The following USP6 variants were observed in gnomAD, a reference collection of about 807,000 sequenced individuals.
USP6 encodes the protein ubiquitin carboxyl-terminal hydrolase 6.
In USP6, 128 loss-of-function variants were observed where a neutral mutation model predicts 175.7. The ratio of observed to expected loss-of-function variants is 0.73; its 90% CI spans 0.63 to 0.84. The LOEUF (loss-of-function observed/expected upper bound fraction) is 0.84, where lower values mean the gene tolerates loss of function less well. Ranked by LOEUF, USP6 falls within the 40% of genes least tolerant of loss-of-function variation. The pLI is 0.00. For missense variants in USP6, 1,498 were observed against 1,760.3 expected (o/e 0.85, Z 2.67); for synonymous variants, 562 against 630.6 (o/e 0.89, Z 1.63).
At chr17:5,162,784 A>AG (rs2074028834) in intron 32 of USP6, 100 bp from the exon 33 acceptor site, 2 of 1,510,258 alleles carry the variant, frequency 1.3e-6, no homozygotes, top group South Asian at 2.7e-5. Flanking sequence ...GAGGCCCAAG[A>AG]GGAAAGCAGA....
chr17:5,122,133 A>T (rs1197135924), intron 4 of USP6, among the ~76,000 whole-genome samples: 4 of 94,384 alleles, frequency 4.2e-5, no homozygotes, highest in Admixed American at 3.9e-4. Context: ...TGCGGGGTGG[A>T]GGGTGGGTCG....
At chr17:5,143,295 G>C (rs1408981838) in intron 25 of USP6, among the ~76,000 whole-genome samples, 1 of 152,222 alleles carries the variant, frequency 6.6e-6, no homozygotes, top group African/African-American at 2.4e-5. Flanking sequence ...CGACAATGGC[G>C]GTTTTGTGGA....
rs192313849 is a variant in USP6, at chr17:5,130,090, G to T, written c.-2+1G>T. 296 of 455,330 alleles carry T rather than the reference G, an allele frequency of 6.5e-4. 3 individuals are homozygous for T. In the East Asian group the frequency reaches 9.0e-3, roughly 14 times the overall value. The allele number at this position is 455,330 out of a possible 1,614,324, so 28.2% of individuals were successfully genotyped here. A position where few individuals can be genotyped will look rare whatever the true frequency, so the allele number is the denominator to read the frequency against. On this transcript the variant is annotated splice_donor_variant, in intron 9 of 37. Transcript: ENST00000574788. LOFTEE classifies it low-confidence loss of function (5UTR_SPLICE). ...GACACCATTCAACCTGCCGGGGCAG[G>T]TGTGTGCCCATTTCATGGCATATGG...
intron 35 of USP6, among the ~76,000 whole-genome samples, chr17:5,169,546 A>G (rs945117140): frequency 4.6e-5 from 7 of 152,092 alleles, no homozygotes; most frequent in African/African-American, 1.7e-4. Flanking sequence ...GGGTCAATCA[A>G]TCCTCCCACC....
At chr17:5,123,907 A>G (rs139898764) in intron 4 of USP6, among the ~76,000 whole-genome samples, 15,460 of 147,146 alleles carry the variant, frequency 0.11, 909 homozygotes, top group Middle Eastern at 0.12. Flanking sequence ...GCACGTGCGC[A>G]CACACACACA....
rs572323455 is a variant in USP6, at chr17:5,153,049, T to C, written c.2644-2373T>C. Among the ~76,000 whole-genome samples the C allele has an allele frequency of 4.2e-3, 643 of 152,288 alleles. 4 individuals are homozygous for C. Among genetic ancestry groups the C allele is most frequent in the Non-Finnish European group, 7.4e-3 (502 of 68,024 alleles). On this transcript the variant is annotated intron_variant, in intron 30 of 37. Transcript: ENST00000574788. ...TAATTCTATTTATAAATATAAAAAC[T>C]TTTAAAACAGGGAAAATGAAATCTA...
At chr17:5,150,233 T>C (rs900014559) in intron 30 of USP6, among the ~76,000 whole-genome samples, 4 of 151,450 alleles carry the variant, frequency 2.6e-5, no homozygotes, top group African/African-American at 7.3e-5. Context: ...TGGAGGTTGC[T>C]GTGAGCTGAG....
At chr17:5,122,559 G>C (rs761582984) in intron 4 of USP6, among the ~76,000 whole-genome samples, 1 of 152,216 alleles carries the variant, frequency 6.6e-6, no homozygotes, top group South Asian at 2.1e-4. Flanking sequence ...AGGCCGAACC[G>C]GCCCCAGCCC....
intron 31 of USP6, among the ~76,000 whole-genome samples, chr17:5,157,335 C>G (rs1182305325): frequency 1.3e-5 from 2 of 152,202 alleles, no homozygotes; most frequent in East Asian, 3.8e-4. Flanking sequence ...ATCTGCCCGC[C>G]TCAGTCTCCC....
chr17:5,143,147 T>C lies in USP6; in HGVS notation c.1818+645T>C, dbSNP rs544788873. On this transcript the variant is annotated intron_variant, in intron 25 of 37. Transcript: ENST00000574788. Reference sequence around the variant, plus strand: ...GAGGGAGGTGAGGGGGTCAGCCCCCTGCCCGGCCAGCCGCCCCGTCCGGGA... The same window carrying C: ...GAGGGAGGTGAGGGGGTCAGCCCCCCGCCCGGCCAGCCGCCCCGTCCGGGA... 1.9e-3 allele frequency among the ~76,000 whole-genome samples: 295 copies of C among 152,200 alleles called. 1 individual carries two copies. The highest frequency in any genetic ancestry group is 6.8e-3 in the African/African-American group (283 of 41,536).
At chr17:5,168,681 T>G (rs2074147610) in intron 34 of USP6, 86 bp from the exon 35 acceptor site, 1 of 1,449,342 alleles carries the variant, frequency 6.9e-7, no homozygotes, top group Non-Finnish European at 9.3e-7. Context: ...TTCCAAACAT[T>G]CACATGTATT....
chr17:5,167,314 C>T (rs1471462933), intron 33 of USP6, among the ~76,000 whole-genome samples: 1 of 152,260 alleles, frequency 6.6e-6, no homozygotes, highest in Admixed American at 6.5e-5. Context: ...GGCCAGCTCA[C>T]ATGTAACCCC....
At position 5,133,902 on chromosome 17, in the gene USP6, G is replaced by A. The variant is rs1416631578; in HGVS notation, c.400G>A (p.Gly134Ser). 9 of 1,614,002 alleles carry A rather than the reference G, an allele frequency of 5.6e-6. No homozygotes were observed. In the Admixed American group the frequency reaches 1.2e-4, roughly 21 times the overall value. The change falls in exon 15 of 38, where the codon GGC (glycine) becomes AGC (serine). Residue 134 changes from glycine to serine, a missense_variant. Coordinates refer to ENST00000574788, the MANE Select transcript of USP6 (RefSeq NM_001304284.2). Reference sequence around the variant, plus strand: ...TGCCCTACAGATCATGAAGGAGAGGGGCAAGAGGTCATCTGAACACATCCA... The same window carrying A: ...TGCCCTACAGATCATGAAGGAGAGGAGCAAGAGGTCATCTGAACACATCCA... ...PGRYQIMKER[G>S]KRSSEHIHHI...
intron 28 of USP6, 59 bp downstream of exon 28, chr17:5,146,233 C>G (rs1598047059): frequency 1.3e-6 from 2 of 1,512,772 alleles, no homozygotes; most frequent in Non-Finnish European, 1.8e-6. Flanking sequence ...ACATTTTTCT[C>G]AATTATGATG....
At position 5,142,443 on chromosome 17, in the gene USP6, G is replaced by A. The variant is rs1170260722; in HGVS notation, c.1759G>A (p.Asp587Asn). The A allele has an allele frequency of 6.2e-7, 1 of 1,613,954 alleles. No homozygotes were observed. Among genetic ancestry groups the A allele is most frequent in the Non-Finnish European group, 8.5e-7 (1 of 1,179,838 alleles). Residue 587 changes from aspartate (D) to asparagine (N), a missense_variant, in exon 25 of 38, where the codon GAT becomes AAT. Transcript: ENST00000574788. Reference sequence around the variant, plus strand: ...GGGGCATATGGCTAAATGCTATGGTGATTTAGTGCAGGAACTCTGGAGTGG... The same window carrying A: ...GGGGCATATGGCTAAATGCTATGGTAATTTAGTGCAGGAACTCTGGAGTGG... ...MKGHMAKCYG[D>N]LVQELWSGTQ... is the part of the protein sequence containing the mutation.
At chr17:5,172,684 A>G in intron 37 of USP6, 121 bp from the exon 38 acceptor site, 1 of 1,372,096 alleles carries the variant, frequency 7.3e-7, no homozygotes, top group Non-Finnish European at 1.0e-6. Flanking sequence ...CAGCCAAACT[A>G]GTGAGCTTAT....
intron 17 of USP6, 45 bp from the exon 18 acceptor site, chr17:5,136,595 C>T (rs776102880): frequency 7.5e-6 from 12 of 1,604,852 alleles, no homozygotes; most frequent in South Asian, 1.1e-5. Context: ...GGCTCCACAC[C>T]TTGGGGGAAG....
chr17:5,132,366 G>A lies in USP6; in HGVS notation c.156-30G>A, dbSNP rs368107892. The stretch of plus-strand genomic sequence containing the variant: ...TTGGGCGGCTCCAGGCCCTGTGCAC[G>A]TCCTCAGCTCTGCCTGGGTTGCCTT... On this transcript the variant is annotated intron_variant, in intron 11 of 37. Transcript: ENST00000574788. This position sits in a 1 kb window ranked among gnomAD's most constrained non-coding sequence, Gnocchi z 4.7. The A allele has an allele frequency of 3.8e-5, 61 of 1,612,090 alleles. No individual in the cohort carries two copies. The highest frequency in any genetic ancestry group is 8.0e-5 in the African/African-American group (6 of 74,854).
At chr17:5,138,381 TTCTTCCTCC>T (rs2073330698) in intron 21 of USP6, 108 bp downstream of exon 21, 11 of 1,564,820 alleles carry the variant, frequency 7.0e-6, no homozygotes, top group Admixed American at 3.4e-5. Flanking sequence ...TCTTCACCTT[TTCTTCCTCC>T]TCTTCCTCCT....
Sources: allele counts gnomAD v4.1 joint callset (sites outside exome capture counted in the v4.1 genomes callset), GRCh38; gene constraint gnomAD v4.1.1; non-coding constraint Gnocchi (gnomAD v3.1); transcripts MANE v1.5; gene names NCBI Gene and HGNC (gene_info 2026-07-23, HGNC 2026-07-21).